Variants in TMED2 observed in about 807,000 individuals in gnomAD.
TMED2 encodes the protein transmembrane p24 trafficking protein 2, also known as transmembrane emp24 domain-containing protein 2.
In TMED2, 3 loss-of-function variants were observed where a neutral mutation model predicts 17.5. That is an observed-to-expected ratio of 0.17 (90% CI 0.08 to 0.44). TMED2 has a LOEUF of 0.44. TMED2 is among the 20% of genes least tolerant of loss of function. TMED2 has a pLI of 0.99. For synonymous variants in TMED2, 95 were observed against 91.0 expected (o/e 1.04, Z -0.25); for missense variants, 149 against 254.8 (o/e 0.58, Z 2.83).
intron 2 of TMED2, chr12:123,587,616 G>A (rs1259157269): frequency 2.2e-5 from 28 of 1,280,320 alleles, no homozygotes; most frequent in Non-Finnish European, 2.7e-5. Context: ...TTTAGGTGGT[G>A]GAGATACCTG....
rs1953434393 is a variant in TMED2 at position 123,596,840 on chromosome 12, C to T, written c.*111C>T. ...TATTTTCTGAACTGTACATTCACAA[C>T]TTATGTTTCTTTGAGATTAATAGAT... On this transcript the variant is annotated 3_prime_UTR_variant, in exon 4 of 4. Transcript: ENST00000262225. The T allele has an allele frequency of 1.6e-6, 2 of 1,285,958 alleles. No homozygotes were observed. Among genetic ancestry groups the T allele is most frequent in the Admixed American group, 3.0e-5 (1 of 33,648 alleles). 79.7% of individuals were successfully genotyped at this position (1,285,958 alleles called of 1,614,324 possible).
At chr12:123,591,934 A>G (rs1204011440) in intron 3 of TMED2, among the ~76,000 whole-genome samples, 1 of 152,224 alleles carries the variant, frequency 6.6e-6, no homozygotes, top group Non-Finnish European at 1.5e-5. Flanking sequence ...TGGAGTAGGA[A>G]GTGAAGAGTG....
intron 2 of TMED2, 73 bp downstream of exon 2, chr12:123,587,012 TGAGTG>T (rs771871670): frequency 5.3e-6 from 7 of 1,320,964 alleles, no homozygotes; most frequent in Non-Finnish European, 6.0e-6. Flanking sequence ...TTTACCTGTC[TGAGTG>T]GAGTACTTAT....
intron 1 of TMED2, chr12:123,585,660 G>A (rs1450855646): frequency 1.3e-5 from 2 of 152,256 alleles, no homozygotes; most frequent in African/African-American, 2.4e-5. Context: ...AGGGGATAAC[G>A]GAAGGGAGAG....
In TMED2 at chr12:123,596,961, T is replaced by C. The variant is rs904563345; in HGVS notation, c.*232T>C. On this transcript the variant is annotated 3_prime_UTR_variant, in exon 4 of 4. Coordinates refer to ENST00000262225, the MANE Select transcript of TMED2 (RefSeq NM_006815.4). ...TTGAATGCTGCCTCCATTATATAGG[T>C]CCTTCCAGGAACTCAAACACTGTAA... 3.2e-6 allele frequency: 1 copy of C among 312,342 alleles called. No individual in the cohort carries two copies. Among genetic ancestry groups the C allele is most frequent in the African/African-American group, 2.2e-5 (1 of 45,898 alleles). 19.3% of individuals were successfully genotyped at this position (312,342 alleles called of 1,614,324 possible). A position where few individuals can be genotyped will look rare whatever the true frequency, so the allele number is the denominator to read the frequency against.
At chr12:123,588,907 C>T (rs1413626145) in intron 2 of TMED2, among the ~76,000 whole-genome samples, 3 of 152,136 alleles carry the variant, frequency 2.0e-5, no homozygotes, top group Non-Finnish European at 2.9e-5. Context: ...GAGTGAGGGA[C>T]GGTTTGACAT....
intron 2 of TMED2, among the ~76,000 whole-genome samples, chr12:123,590,063 A>G (rs988910548): frequency 6.6e-6 from 1 of 151,892 alleles, no homozygotes; most frequent in Non-Finnish European, 1.5e-5. Context: ...CAGGTGGATC[A>G]CCTGAGGTCA....
intron 3 of TMED2, among the ~76,000 whole-genome samples, chr12:123,592,899 G>A (rs973902747): frequency 4.0e-5 from 6 of 151,830 alleles, no homozygotes; most frequent in Admixed American, 6.6e-5. Context: ...GTGAAACCCC[G>A]TCTCTACTAA....
In TMED2 at chr12:123,596,590, T is replaced by C; in HGVS notation, c.482-15T>C. The C allele has an allele frequency of 6.3e-7, 1 of 1,584,256 alleles. No individual in the cohort carries two copies. The highest frequency in any genetic ancestry group is 8.5e-7 in the Non-Finnish European group (1 of 1,170,276). Reference sequence around the variant, plus strand: ...AGAATTGTTAAATTTTGTTTGTTTGTTTTGTCCTCAACAGTCAACGACAAC... The same window carrying C: ...AGAATTGTTAAATTTTGTTTGTTTGCTTTGTCCTCAACAGTCAACGACAAC... On this transcript the variant is annotated splice_polypyrimidine_tract_variant and intron_variant, in intron 3 of 3. Transcript: ENST00000262225.
chr12:123,594,047 T>C (rs1015162865), intron 3 of TMED2, among the ~76,000 whole-genome samples: 1 of 151,450 alleles, frequency 6.6e-6, no homozygotes, highest in Non-Finnish European at 1.5e-5. Context: ...GCAAAAGCAG[T>C]CCTCCTGTCT....
rs116292684 is a variant in TMED2 at position 123,592,348 on chromosome 12, G to A, written c.481+1899G>A. 4.4e-3 allele frequency among the ~76,000 whole-genome samples: 669 copies of A among 152,254 alleles called. 5 individuals are homozygous for A. The highest frequency in any genetic ancestry group is 0.015 in the African/African-American group (636 of 41,544). On this transcript the variant is annotated intron_variant, in intron 3 of 3. Coordinates refer to ENST00000262225, the MANE Select transcript of TMED2 (RefSeq NM_006815.4). ...GGAAGGGCACTGAACTAACTCAGAG[G>A]GCAAGTTCCTCTACTTTGCAATTTT... is the stretch of plus-strand genomic sequence containing the variant.
chr12:123,585,156 C>T (rs747934328), intron 1 of TMED2: 12 of 258,342 alleles, frequency 4.6e-5, no homozygotes, highest in Non-Finnish European at 6.9e-5. Flanking sequence ...AAAGGCGCTT[C>T]TCAGTCACAG....
In TMED2 at chr12:123,584,580, G is replaced by GGCGGCGGCA. The variant is rs951567232; in HGVS notation, c.-49_-48insAGCGGCGGC. 5.6e-5 allele frequency: 87 copies of GGCGGCGGCA among 1,561,374 alleles called. No homozygotes were observed. The highest frequency in any genetic ancestry group is 7.0e-5 in the Non-Finnish European group (81 of 1,158,012). ...AAGGCAGCGGGGCGGCGGCGGCGGC[G>GGCGGCGGCA]GCGGCGGCGGCTGTGGAGGCCGCAG... On this transcript the variant is annotated 5_prime_UTR_variant, in exon 1 of 4. Transcript: ENST00000262225.
At chr12:123,593,054 C>T (rs1482508295) in intron 3 of TMED2, among the ~76,000 whole-genome samples, 1 of 152,138 alleles carries the variant, frequency 6.6e-6, no homozygotes, top group Non-Finnish European at 1.5e-5. Context: ...AACCCCATCT[C>T]TACTAAAAAT....
intron 2 of TMED2, among the ~76,000 whole-genome samples, chr12:123,588,197 GT>G (rs958775347): frequency 4.9e-5 from 7 of 143,072 alleles, no homozygotes; most frequent in South Asian, 2.2e-4. Context: ...GTTTTTTTTT[GT>G]TTTTTTTTTC....
rs954612359 is a variant in TMED2, at chr12:123,597,692, T to G, written c.*963T>G. 5 of 152,632 alleles carry G rather than the reference T, an allele frequency of 3.3e-5. No individual in the cohort carries two copies. Among genetic ancestry groups the G allele is most frequent in the African/African-American group, 7.2e-5 (3 of 41,454 alleles). The allele number at this position is 152,632 out of a possible 1,614,324, so 9.5% of individuals were successfully genotyped here. ...GGTTTTGGTTTTTGTTTCTTTTGGGTCTTTCTTTTTTGGCACATGTGAATC... is the reference window on the plus strand; with the variant it reads ...GGTTTTGGTTTTTGTTTCTTTTGGGGCTTTCTTTTTTGGCACATGTGAATC... On this transcript the variant is annotated 3_prime_UTR_variant, in exon 4 of 4. Coordinates refer to ENST00000262225, the MANE Select transcript of TMED2 (RefSeq NM_006815.4).
At chr12:123,586,592 T>A in intron 1 of TMED2, 155 bp from the exon 2 acceptor site, 1 of 588,456 alleles carries the variant, frequency 1.7e-6, no homozygotes, top group Non-Finnish European at 2.7e-6. Context: ...TCAAGTGATC[T>A]GCCTGCCTTG....
At position 123,598,447 on chromosome 12, in the gene TMED2, CAG is replaced by C. The variant is rs1394760654; in HGVS notation, c.*1720_*1721del. ...TGAATGTGGGAAATAGCTTCAAAGA[CAG>C]ATTAAATGATTTGCCCAAGGCCACA... is the stretch of plus-strand genomic sequence containing the variant. On this transcript the variant is annotated 3_prime_UTR_variant, in exon 4 of 4. Transcript: ENST00000262225. 3.9e-5 allele frequency: 6 copies of C among 152,174 alleles called. No individual in the cohort carries two copies. Among genetic ancestry groups the C allele is most frequent in the Non-Finnish European group, 8.8e-5 (6 of 68,022 alleles). 9.4% of individuals were successfully genotyped at this position (152,174 alleles called of 1,614,324 possible).
Position 123,590,377 on chromosome 12 carries a change from C to T in TMED2, c.409C>T (p.Leu137=), listed in dbSNP as rs934136341. 6.2e-7 allele frequency: 1 copy of T among 1,608,046 alleles called. No individual in the cohort carries two copies. The highest frequency in any genetic ancestry group is 8.5e-7 in the Non-Finnish European group (1 of 1,176,252). ...QNKLEEMINE[L]AVAMTAVKHE... is the part of the protein sequence containing the mutation. ...CAAGCTAGAAGAAATGATCAATGAG[C>T]TAGCAGTGGCGATGACAGCTGTAAA... The change falls in exon 3 of 4, where the codon CTA becomes TTA. Residue 137 remains leucine (L), a synonymous_variant. Transcript: ENST00000262225.
Sources: allele counts gnomAD v4.1 joint callset (sites outside exome capture counted in the v4.1 genomes callset), GRCh38; gene constraint gnomAD v4.1.1; transcripts MANE v1.5; gene names NCBI Gene and HGNC (gene_info 2026-07-23, HGNC 2026-07-21).